TMEM132D: variants seen among roughly 807,000 people sequenced by gnomAD.
The protein encoded by TMEM132D is mature OL transmembrane protein.
In TMEM132D, 21 loss-of-function variants were observed where a neutral mutation model predicts 62.3. The observed-to-expected ratio is 0.34, with a 90% CI of 0.24 to 0.49. The LOEUF (loss-of-function observed/expected upper bound fraction) is 0.49, where lower values mean the gene tolerates loss of function less well. Among genes scored for constraint, TMEM132D ranks in the 20% least tolerant of loss-of-function variants. The pLI, the probability that TMEM132D is intolerant of heterozygous loss-of-function variation, is 0.99. For missense variants in TMEM132D, 1,346 were observed against 1,402.8 expected (o/e 0.96, Z 0.65); for synonymous variants, 621 against 575.6 (o/e 1.08, Z -1.13).
intron 3 of TMEM132D, among the ~76,000 whole-genome samples, chr12:129,431,889 CTGCCCCAGGACCTT>C (rs1872663582): frequency 6.6e-6 from 1 of 152,310 alleles, no homozygotes; most frequent in East Asian, 1.9e-4. Context: ...AAGCACATGC[CTGCCCCAGGACCTT>C]TGCACTTGCA....
chr12:129,548,655 C>T (rs1876805348), intron 2 of TMEM132D, among the ~76,000 whole-genome samples: 1 of 152,164 alleles, frequency 6.6e-6, no homozygotes, highest in South Asian at 2.1e-4. Context: ...GAGCTCCCAC[C>T]TGAATTTGAC....
rs1268604299 is a variant in TMEM132D at position 129,793,518 on chromosome 12, A to G, written c.80-92820T>C. ...ACCTCACAAGTAGCTGGGACTACAG[A>G]CATGTGCCACCATACCCACTTAATT... On this transcript the variant is annotated intron_variant, in intron 1 of 8. Coordinates refer to ENST00000422113, the MANE Select transcript of TMEM132D (RefSeq NM_133448.3). Among the ~76,000 whole-genome samples, 3 of 152,076 alleles carry G rather than the reference A, an allele frequency of 2.0e-5. No individual in the cohort carries two copies. The East Asian group carries it at 5.8e-4, about 29-fold the overall frequency.
At chr12:129,574,228 T>C (rs1877595648) in intron 2 of TMEM132D, among the ~76,000 whole-genome samples, 2 of 152,048 alleles carry the variant, frequency 1.3e-5, no homozygotes, top group South Asian at 2.1e-4. Context: ...AACAGATTGA[T>C]AGATATGTGA....
At chr12:129,417,378 G>C (rs1872158459) in intron 3 of TMEM132D, among the ~76,000 whole-genome samples, 1 of 152,060 alleles carries the variant, frequency 6.6e-6, no homozygotes, top group East Asian at 1.9e-4. Context: ...CAGAACAGAG[G>C]CCTCAGAAAT....
chr12:129,314,469 T>C (rs550918095), intron 4 of TMEM132D, among the ~76,000 whole-genome samples: 1 of 152,352 alleles, frequency 6.6e-6, no homozygotes, highest in Non-Finnish European at 1.5e-5. Context: ...GTTCCATTGG[T>C]CTGTGTGCCT....
At chr12:129,588,517 C>T (rs1276033846) in intron 2 of TMEM132D, among the ~76,000 whole-genome samples, 2 of 151,986 alleles carry the variant, frequency 1.3e-5, no homozygotes, top group Non-Finnish European at 2.9e-5. Context: ...CATGGAGTTG[C>T]CAGAGAAGGT....
intron 1 of TMEM132D, among the ~76,000 whole-genome samples, chr12:129,843,089 A>G (rs1199664834): frequency 1.3e-5 from 2 of 152,232 alleles, no homozygotes; most frequent in African/African-American, 4.8e-5. Flanking sequence ...CAATGTTACG[A>G]ATATAGTATA....
At chr12:129,333,368 T>A (rs1235783630) in intron 4 of TMEM132D, among the ~76,000 whole-genome samples, 1 of 152,260 alleles carries the variant, frequency 6.6e-6, no homozygotes, top group Non-Finnish European at 1.5e-5. Flanking sequence ...ATTAAAAATG[T>A]GTGCAAAGAT....
intron 5 of TMEM132D, among the ~76,000 whole-genome samples, chr12:129,196,653 G>C (rs553811982): frequency 6.6e-6 from 1 of 152,110 alleles, no homozygotes; most frequent in Non-Finnish European, 1.5e-5. Flanking sequence ...ACTAACCTAA[G>C]ATATAGGGTA....
chr12:129,752,846 G>C (rs1870043360), intron 1 of TMEM132D, among the ~76,000 whole-genome samples: 1 of 152,168 alleles, frequency 6.6e-6, no homozygotes, highest in Non-Finnish European at 1.5e-5. Context: ...GCTCAGATGG[G>C]ACCACTTACT....
At chr12:129,331,307 C>A (rs761116727) in intron 4 of TMEM132D, among the ~76,000 whole-genome samples, 1 of 152,186 alleles carries the variant, frequency 6.6e-6, no homozygotes, top group African/African-American at 2.4e-5. Flanking sequence ...TTGGCAGATG[C>A]GTCTGTATGT....
At chr12:129,243,457 G>C (rs907108437) in intron 4 of TMEM132D, among the ~76,000 whole-genome samples, 3 of 152,178 alleles carry the variant, frequency 2.0e-5, no homozygotes, top group African/African-American at 7.2e-5. Flanking sequence ...CTGTGGATAT[G>C]TTTGTATAGG....
intron 4 of TMEM132D, among the ~76,000 whole-genome samples, chr12:129,319,129 C>A (rs1868590695): frequency 6.6e-6 from 1 of 152,164 alleles, no homozygotes; most frequent in East Asian, 1.9e-4. Context: ...AGGCTTCTCG[C>A]CCCATTCAAA....
chr12:129,827,836 C>T lies in TMEM132D; in HGVS notation c.79+75425G>A, dbSNP rs927644862. 3.9e-5 allele frequency among the ~76,000 whole-genome samples: 6 copies of T among 152,154 alleles called. No individual in the cohort carries two copies. The highest frequency in any genetic ancestry group is 3.9e-4 in the Admixed American group (6 of 15,270). Reference sequence around the variant, plus strand: ...AGTATGGAAACTGAGAAAGCACAGCCATTAAAAAATAAAATATGTATAAGC... The same window carrying T: ...AGTATGGAAACTGAGAAAGCACAGCTATTAAAAAATAAAATATGTATAAGC... On this transcript the variant is annotated intron_variant, in intron 1 of 8. Coordinates refer to ENST00000422113, the MANE Select transcript of TMEM132D (RefSeq NM_133448.3). The surrounding 1 kb of genome is among the most constrained non-coding windows in gnomAD (Gnocchi z 9.7).
At chr12:129,652,450 G>T (rs1212836214) in intron 2 of TMEM132D, among the ~76,000 whole-genome samples, 2 of 152,214 alleles carry the variant, frequency 1.3e-5, no homozygotes, top group Non-Finnish European at 2.9e-5. Flanking sequence ...AATTGAGGTT[G>T]CTAATCAGCT....
chr12:129,298,121 T>A (rs1881621834), intron 4 of TMEM132D, among the ~76,000 whole-genome samples: 1 of 152,108 alleles, frequency 6.6e-6, no homozygotes, highest in Non-Finnish European at 1.5e-5. Context: ...GTGGGATTCA[T>A]ACATATCACC....
chr12:129,108,515 G>A (rs370380636), intron 5 of TMEM132D, among the ~76,000 whole-genome samples: 1 of 152,176 alleles, frequency 6.6e-6, no homozygotes, highest in East Asian at 1.9e-4. Context: ...GTAATGTTCA[G>A]CAGGAGGGAG....
At chr12:129,534,484 A>G (rs1160022218) in intron 2 of TMEM132D, among the ~76,000 whole-genome samples, 1 of 152,036 alleles carries the variant, frequency 6.6e-6, no homozygotes, top group African/African-American at 2.4e-5. Flanking sequence ...ATAATGTAGA[A>G]TATGTATATA....
chr12:129,557,352 G>A (rs1479091202), intron 2 of TMEM132D, among the ~76,000 whole-genome samples: 1 of 152,170 alleles, frequency 6.6e-6, no homozygotes, highest in East Asian at 1.9e-4. Context: ...GACTGCCAGG[G>A]TGTGGGAAAT....
Sources: gnomAD v4.1 joint callset for allele counts (sites outside exome capture counted in the v4.1 genomes callset) on GRCh38, gnomAD v4.1.1 for gene constraint, Gnocchi (gnomAD v3.1) non-coding constraint, MANE v1.5 for transcripts, NCBI Gene and HGNC (gene_info 2026-07-23, HGNC 2026-07-21) for gene names.